KCMF1: variants seen among roughly 807,000 people sequenced by gnomAD.
KCMF1 encodes potassium channel modulatory factor 1.
A neutral mutation model predicts 41.1 loss-of-function variants in KCMF1; 3 were observed. The ratio of observed to expected loss-of-function variants is 0.07; its 90% CI spans 0.03 to 0.19. The LOEUF (loss-of-function observed/expected upper bound fraction) is 0.19, where lower values mean the gene tolerates loss of function less well. KCMF1 is among the 10% of genes least tolerant of loss of function. KCMF1 has a pLI of 1.00. For synonymous variants in KCMF1, 142 were observed against 164.5 expected (o/e 0.86, Z 1.04); for missense variants, 286 against 488.9 (o/e 0.58, Z 3.91).
chr2:85,021,246 C>A (rs755797561), intron 1 of KCMF1, among the ~76,000 whole-genome samples: 8 of 152,092 alleles, frequency 5.3e-5, no homozygotes, highest in Non-Finnish European at 8.8e-5. Context: ...TTTGAGATCT[C>A]AAGGATCTCG....
At chr2:85,031,751 A>G (rs1477760859) in intron 2 of KCMF1, among the ~76,000 whole-genome samples, 1 of 152,110 alleles carries the variant, frequency 6.6e-6, no homozygotes, top group Non-Finnish European at 1.5e-5. Context: ...TTACTTATTT[A>G]TCTATCTATT....
chr2:84,991,540 T>C (rs1674043116), intron 1 of KCMF1, among the ~76,000 whole-genome samples: 1 of 152,212 alleles, frequency 6.6e-6, no homozygotes, highest in South Asian at 2.1e-4. Context: ...TTGTCTTTTT[T>C]CCCACAGTTG....
chr2:85,044,680 C>T (rs914098155), intron 4 of KCMF1, among the ~76,000 whole-genome samples: 1 of 152,028 alleles, frequency 6.6e-6, no homozygotes, highest in Non-Finnish European at 1.5e-5. Flanking sequence ...CTGCGCCTGG[C>T]CAATTTTTGT....
intron 2 of KCMF1, among the ~76,000 whole-genome samples, chr2:85,034,044 TA>T (rs1316384910): frequency 2.0e-5 from 3 of 151,968 alleles, no homozygotes; most frequent in Admixed American, 1.3e-4. Context: ...ATTTTTTTTT[TA>T]ATTAGCCGGA....
chr2:84,989,125 TAATA>T (rs1423753572), intron 1 of KCMF1, among the ~76,000 whole-genome samples: 1 of 152,204 alleles, frequency 6.6e-6, no homozygotes, highest in Non-Finnish European at 1.5e-5. Flanking sequence ...TCGATTCTTC[TAATA>T]AATATGTATT....
At chr2:85,008,291 T>C (rs1247612620) in intron 1 of KCMF1, among the ~76,000 whole-genome samples, 27 of 14,652 alleles carry the variant, frequency 1.8e-3, no homozygotes, top group South Asian at 0.018. Context: ...TGATATATAA[T>C]ATATATAATA....
At chr2:85,047,047 G>A (rs1443662024) in intron 5 of KCMF1, among the ~76,000 whole-genome samples, 1 of 152,120 alleles carries the variant, frequency 6.6e-6, no homozygotes, top group Admixed American at 6.6e-5. Flanking sequence ...AAAAAACATA[G>A]TATGTATAGG....
intron 2 of KCMF1, among the ~76,000 whole-genome samples, chr2:85,031,283 C>A (rs372595262): frequency 6.6e-6 from 1 of 152,112 alleles, no homozygotes; most frequent in South Asian, 2.1e-4. Context: ...GATATGCTTC[C>A]ATTTTTGTAG....
At chr2:85,009,317 A>T (rs996032642) in intron 1 of KCMF1, among the ~76,000 whole-genome samples, 1 of 152,100 alleles carries the variant, frequency 6.6e-6, no homozygotes, top group East Asian at 1.9e-4. Context: ...CCTCCCAGTC[A>T]TGCATCCTGT....
intron 3 of KCMF1, among the ~76,000 whole-genome samples, chr2:85,043,324 C>T (rs912557601): frequency 6.6e-6 from 1 of 152,114 alleles, no homozygotes; most frequent in Non-Finnish European, 1.5e-5. Context: ...ATCAGGCAGG[C>T]TGTTAGAAGG....
intron 6 of KCMF1, among the ~76,000 whole-genome samples, chr2:85,052,297 C>A (rs1346219382): frequency 3.3e-5 from 5 of 152,268 alleles, no homozygotes; most frequent in Admixed American, 6.5e-5. Context: ...TCTCAAACTC[C>A]TGACCTCAGG....
intron 1 of KCMF1, among the ~76,000 whole-genome samples, chr2:84,996,879 A>G (rs1674188874): frequency 6.6e-6 from 1 of 152,190 alleles, no homozygotes; most frequent in East Asian, 1.9e-4. Flanking sequence ...TTGTGTGAAC[A>G]TCATAGAGTG....
rs891915490 is a variant in KCMF1, at chr2:84,977,028, A to AT, written c.16+5570dup. ...TCTCTCTCTCTCCTTTTTTATAATTATTTTTTTTTACTCTCTGTTGCCCAG... is the reference window on the plus strand; with the variant it reads ...TCTCTCTCTCTCCTTTTTTATAATTATTTTTTTTTTACTCTCTGTTGCCCAG... On this transcript the variant is annotated intron_variant, in intron 1 of 6. Coordinates refer to ENST00000409785, the MANE Select transcript of KCMF1 (RefSeq NM_020122.5). 2.7e-5 allele frequency among the ~76,000 whole-genome samples: 4 copies of AT among 150,446 alleles called. No homozygotes were observed. The East Asian group carries it at 7.8e-4, about 29-fold the overall frequency.
chr2:85,018,314 A>G (rs963391213), intron 1 of KCMF1, among the ~76,000 whole-genome samples: 9 of 136,156 alleles, frequency 6.6e-5, no homozygotes, highest in African/African-American at 1.9e-4. Context: ...CTCTGTCACC[A>G]GACTGGAGTG....
intron 1 of KCMF1, among the ~76,000 whole-genome samples, chr2:84,972,940 A>T (rs181349573): frequency 6.6e-6 from 1 of 152,238 alleles, no homozygotes; most frequent in African/African-American, 2.4e-5. Flanking sequence ...ACACAGAAGT[A>T]GGAAGCTATG....
intron 5 of KCMF1, among the ~76,000 whole-genome samples, chr2:85,046,562 G>A (rs1035770863): frequency 1.3e-5 from 2 of 151,770 alleles, no homozygotes; most frequent in African/African-American, 2.4e-5. Flanking sequence ...CCTGAAAGGT[G>A]GAGGTTCCAG....
Position 84,982,389 on chromosome 2 carries a change from C to CTTTTTT in KCMF1, c.16+10950_16+10955dup, listed in dbSNP as rs34687477. On this transcript the variant is annotated intron_variant, in intron 1 of 6. Coordinates refer to ENST00000409785, the MANE Select transcript of KCMF1 (RefSeq NM_020122.5). Reference sequence around the variant, plus strand: ...GAGTTACAGATGTGTTCCTTATTTTCTTTTTTTTTTTTTTTTTTTTTTTTT... The same window carrying CTTTTTT: ...GAGTTACAGATGTGTTCCTTATTTTCTTTTTTTTTTTTTTTTTTTTTTTTTTTTTTT... Among the ~76,000 whole-genome samples the CTTTTTT allele has an allele frequency of 3.9e-3, 185 of 47,276 alleles. 23 individuals are homozygous for CTTTTTT. Among genetic ancestry groups the CTTTTTT allele is most frequent in the East Asian group, 7.4e-3 (9 of 1,224 alleles). The allele number at this position is 47,276 out of a possible 152,430, so 31.0% of individuals were successfully genotyped here.
chr2:85,001,351 G>T (rs1336409500), intron 1 of KCMF1, among the ~76,000 whole-genome samples: 1 of 151,780 alleles, frequency 6.6e-6, no homozygotes, highest in African/African-American at 2.4e-5. Flanking sequence ...TAGAGACAGG[G>T]TCTCACCATG....
chr2:84,975,808 CA>C (rs1239002237), intron 1 of KCMF1, among the ~76,000 whole-genome samples: 1 of 151,910 alleles, frequency 6.6e-6, no homozygotes, highest in Non-Finnish European at 1.5e-5. Flanking sequence ...TAAAGCTTTC[CA>C]AATAAAAAAA....
Sources: gnomAD v4.1 joint callset for allele counts (sites outside exome capture counted in the v4.1 genomes callset) on GRCh38, gnomAD v4.1.1 for gene constraint, MANE v1.5 for transcripts, NCBI Gene and HGNC (gene_info 2026-07-23, HGNC 2026-07-21) for gene names.